ZFHX3: variants seen among roughly 807,000 people sequenced by gnomAD.
ZFHX3 encodes the protein zinc finger homeobox protein 3.
Under a neutral mutation model 279.1 loss-of-function variants are expected in ZFHX3, and 42 were observed. The ratio of observed to expected loss-of-function variants is 0.15; its 90% CI spans 0.12 to 0.19. ZFHX3 has a LOEUF of 0.19. ZFHX3 is among the 10% of genes least tolerant of loss of function. The probability of loss-of-function intolerance (pLI) is 1.00; values close to 1 mark genes in which losing one functional copy is unlikely to be tolerated. For missense variants in ZFHX3, 4,981 were observed against 4,754.0 expected (o/e 1.05, Z -1.40); for synonymous variants, 2,293 against 1,957.8 (o/e 1.17, Z -4.52).
chr16:72,802,939 C>A (rs76271106), intron 7 of ZFHX3, among the ~76,000 whole-genome samples: 2 of 152,168 alleles, frequency 1.3e-5, no homozygotes, highest in South Asian at 2.1e-4. Flanking sequence ...TGCCTTGGCA[C>A]CCCCTTTGTT....
intron 4 of ZFHX3, among the ~76,000 whole-genome samples, chr16:73,281,272 T>C (rs1160917326): frequency 6.6e-6 from 1 of 152,158 alleles, no homozygotes; most frequent in Non-Finnish European, 1.5e-5. Context: ...TGGTGGTGTA[T>C]ATACACAATG....
At chr16:73,356,171 C>A (rs898069762) in intron 3 of ZFHX3, among the ~76,000 whole-genome samples, 2 of 152,184 alleles carry the variant, frequency 1.3e-5, no homozygotes, top group Non-Finnish European at 2.9e-5. Context: ...CGGAGTCACC[C>A]CCCGCCGACC....
chr16:73,593,702 G>T (rs147438793), intron 2 of ZFHX3, among the ~76,000 whole-genome samples: 20 of 152,104 alleles, frequency 1.3e-4, no homozygotes, highest in African/African-American at 4.3e-4. Flanking sequence ...GCAGATTTTG[G>T]TATCTGCAGG....
Position 73,703,592 on chromosome 16 carries a change from C to T in ZFHX3, c.-1607-23352G>A, listed in dbSNP as rs2053273910. Among the ~76,000 whole-genome samples the T allele has an allele frequency of 2.0e-5, 3 of 152,112 alleles. No homozygotes were observed. In the South Asian group the frequency reaches 6.2e-4, roughly 32 times the overall value. The stretch of plus-strand genomic sequence containing the variant: ...GAGAGTCATGAAACGGTACCCATAA[C>T]GAACCAGTAATAAAGAAGTGTGCAG... On this transcript the variant is annotated intron_variant, in intron 1 of 17. Coordinates refer to the ZFHX3 transcript ENST00000641206.
chr16:72,791,086 C>T (rs1379167693), intron 9 of ZFHX3: 1 of 152,182 alleles, frequency 6.6e-6, no homozygotes, highest in Middle Eastern at 3.2e-3. Context: ...CCTAGACTTA[C>T]TCCTACAAAT....
chr16:72,976,678 T>C (rs1451304091), intron 1 of ZFHX3, among the ~76,000 whole-genome samples: 1 of 152,234 alleles, frequency 6.6e-6, no homozygotes. Context: ...TCTGGGTTAC[T>C]GCTCGCCTCA....
intron 2 of ZFHX3, among the ~76,000 whole-genome samples, chr16:73,545,455 T>C (rs1201666655): frequency 6.6e-6 from 1 of 152,160 alleles, no homozygotes; most frequent in African/African-American, 2.4e-5. Context: ...TCATTTGTGT[T>C]TACATTTCTA....
Position 72,788,417 on chromosome 16 carries a change from G to C in ZFHX3, c.9859C>G (p.Gln3287Glu), listed in dbSNP as rs138103890. ...PTMEYAVDPA[Q>E]LQALQAALTS... ...AACGCGGCCTGCAGGGCCTGCAGCT[G>C]TGCAGGGTCTACCGCATACTCCATG... Residue 3287 changes from glutamine (Q) to glutamate (E), a missense_variant, in exon 10 of 10, where the codon CAG (glutamine) becomes GAG (glutamate). Transcript: ENST00000268489. The C allele has an allele frequency of 1.2e-6, 2 of 1,614,124 alleles. No homozygotes were observed. The highest frequency in any genetic ancestry group is 1.3e-5 in the African/African-American group (1 of 74,948).
intron 2 of ZFHX3, among the ~76,000 whole-genome samples, chr16:73,624,397 A>C (rs1049146064): frequency 4.6e-5 from 7 of 152,192 alleles, no homozygotes; most frequent in African/African-American, 1.7e-4. Context: ...CCGTGTGCTA[A>C]GGCAATAAGG....
intron 5 of ZFHX3, among the ~76,000 whole-genome samples, chr16:72,817,682 C>G (rs1035794654): frequency 1.3e-5 from 2 of 152,210 alleles, no homozygotes; most frequent in African/African-American, 4.8e-5. Flanking sequence ...AAGCTGTCCA[C>G]GTTACTGGGA....
intron 1 of ZFHX3, among the ~76,000 whole-genome samples, chr16:73,790,340 C>G (rs929151763): frequency 1.7e-4 from 26 of 150,170 alleles, no homozygotes; most frequent in Middle Eastern, 6.9e-3. Context: ...CTATTAAAAA[C>G]CAACTTACAA....
intron 3 of ZFHX3, chr16:73,420,977 C>G (rs781622621): frequency 2.6e-5 from 4 of 152,190 alleles, no homozygotes; most frequent in Non-Finnish European, 5.9e-5. Context: ...TCCTTCTGCA[C>G]TAAATTAACT....
intron 3 of ZFHX3, chr16:73,400,351 G>A (rs2017225052): frequency 6.6e-6 from 1 of 152,228 alleles, no homozygotes; most frequent in South Asian, 2.1e-4. Flanking sequence ...TGTGACGGGA[G>A]TTTGCGGGGA....
intron 2 of ZFHX3, among the ~76,000 whole-genome samples, chr16:73,462,983 T>A (rs2018498012): frequency 6.6e-6 from 1 of 152,010 alleles, no homozygotes; most frequent in Admixed American, 6.5e-5. Context: ...GTAGAATTGG[T>A]GTTAATGCTT....
intron 1 of ZFHX3, among the ~76,000 whole-genome samples, chr16:73,888,634 G>A (rs1232148245): frequency 6.6e-6 from 1 of 152,180 alleles, no homozygotes; most frequent in African/African-American, 2.4e-5. Context: ...AGGAACTGGA[G>A]GAGGGAAAAG....
At chr16:73,784,793 AAAAAT>A (rs1959587842) in intron 1 of ZFHX3, among the ~76,000 whole-genome samples, 1 of 116,570 alleles carries the variant, frequency 8.6e-6, no homozygotes, top group African/African-American at 3.4e-5. Flanking sequence ...AAATAAAAAA[AAAAAT>A]ATATATATAT....
intron 2 of ZFHX3, among the ~76,000 whole-genome samples, chr16:73,553,166 C>T (rs1190513385): frequency 1.3e-5 from 2 of 150,606 alleles, no homozygotes; most frequent in Non-Finnish European, 2.9e-5. Context: ...TTTTAAATTG[C>T]TACCTGGAAA....
chr16:73,332,947 T>A (rs1435224216), intron 3 of ZFHX3, among the ~76,000 whole-genome samples: 1 of 152,154 alleles, frequency 6.6e-6, no homozygotes, highest in African/African-American at 2.4e-5. Flanking sequence ...TTTCCTTTCT[T>A]TTTTCCTTCA....
At position 72,940,979 on chromosome 16, in the gene ZFHX3, G is replaced by A. The variant is rs1052675141; in HGVS notation, c.3216+9490C>T. Among the ~76,000 whole-genome samples the A allele has an allele frequency of 2.0e-5, 3 of 152,296 alleles. No individual in the cohort carries two copies. In the East Asian group the frequency reaches 5.8e-4, roughly 29 times the overall value. On this transcript the variant is annotated intron_variant, in intron 3 of 9. Transcript: ENST00000268489. Reference sequence around the variant, plus strand: ...ACCATAGGCACACAGGGTCTCCCACGCACTGTGAGCAATGCTCACGTGCTG... The same window carrying A: ...ACCATAGGCACACAGGGTCTCCCACACACTGTGAGCAATGCTCACGTGCTG...
Sources: allele counts gnomAD v4.1 joint callset (sites outside exome capture counted in the v4.1 genomes callset), GRCh38; gene constraint gnomAD v4.1.1; transcripts MANE v1.5; gene names NCBI Gene and HGNC (gene_info 2026-07-23, HGNC 2026-07-21).